Variants in PCDHGA3 observed in about 807,000 individuals in gnomAD.
The protein encoded by PCDHGA3 is protocadherin gamma subfamily A, 3, also known as protocadherin gamma-A3.
Under a neutral mutation model 58.5 loss-of-function variants are expected in PCDHGA3, and 40 were observed. The observed-to-expected ratio is 0.68, with a 90% CI of 0.53 to 0.89. The LOEUF (loss-of-function observed/expected upper bound fraction) is 0.89, where lower values mean the gene tolerates loss of function less well. Ranked by LOEUF, PCDHGA3 falls within the 40% of genes least tolerant of loss-of-function variation. The probability of loss-of-function intolerance (pLI) is 0.00; values close to 1 mark genes in which losing one functional copy is unlikely to be tolerated. For synonymous variants in PCDHGA3, 530 were observed against 525.7 expected (o/e 1.01, Z -0.11); for missense variants, 1,223 against 1,195.9 (o/e 1.02, Z -0.33).
At position 141,505,495 on chromosome 5, in the gene PCDHGA3, G is replaced by A. The variant is rs767547572; in HGVS notation, c.2572+14G>A. On this transcript the variant is annotated intron_variant, in intron 3 of 3. Transcript: ENST00000253812. ...CGTCCGCCAGTGGTAAGTGGTGTCA[G>A]TGTGTGTATGGAAGAGTGGGAGACC... The A allele has an allele frequency of 7.9e-5, 128 of 1,614,092 alleles. No homozygotes were observed. Among genetic ancestry groups the A allele is most frequent in the Non-Finnish European group, 1.0e-4 (123 of 1,180,008 alleles).
chr5:141,470,035 G>A lies in PCDHGA3; in HGVS notation c.2425-24772G>A, dbSNP rs761812438. ...TCCCAGCTACTCGGGATGCTGAGGC[G>A]CGAGAACTGTTTGAACCCCGGAGGC... On this transcript the variant is annotated intron_variant, in intron 1 of 3. Transcript: ENST00000253812. Among the ~76,000 whole-genome samples, 97 of 152,224 alleles carry A rather than the reference G, an allele frequency of 6.4e-4. 2 individuals carry two copies. Among genetic ancestry groups the A allele is most frequent in the East Asian group, 1.2e-3 (6 of 5,170 alleles).
At chr5:141,390,362 G>GA (rs1411664231) in intron 1 of PCDHGA3, 10 of 1,532,890 alleles carry the variant, frequency 6.5e-6, no homozygotes, top group Middle Eastern at 3.5e-4. Context: ...ATATTTGCAG[G>GA]AAAATATATA....
At chr5:141,356,354 CT>C (rs1760202379) in intron 1 of PCDHGA3, 1 of 1,556,448 alleles carries the variant, frequency 6.4e-7, no homozygotes, top group Admixed American at 1.9e-5. Context: ...GTCACATGTT[CT>C]ATTCCAGATA....
chr5:141,471,206 T>C (rs113465424), intron 1 of PCDHGA3: 16,891 of 151,686 alleles, frequency 0.11, 970 homozygotes, highest in South Asian at 0.15. Context: ...CCCACCCCCA[T>C]GCCTGGCAAT....
At chr5:141,453,481 TA>T (rs1178324090) in intron 1 of PCDHGA3, among the ~76,000 whole-genome samples, 1 of 151,928 alleles carries the variant, frequency 6.6e-6, no homozygotes, top group Non-Finnish European at 1.5e-5. Context: ...TCAAAACTAT[TA>T]AAAAAAGGTG....
chr5:141,357,353 G>C (rs772395094), intron 1 of PCDHGA3: 11 of 1,614,124 alleles, frequency 6.8e-6, no homozygotes, highest in Non-Finnish European at 9.3e-6. Context: ...AAGCTGAGAC[G>C]CTGGCACAAG....
chr5:141,372,511 C>T, intron 1 of PCDHGA3: 3 of 1,614,022 alleles, frequency 1.9e-6, no homozygotes, highest in Non-Finnish European at 2.5e-6. Context: ...TTCCTCCTCG[C>T]GGTGATTCTG....
At chr5:141,403,121 C>T (rs2094357954) in intron 1 of PCDHGA3, 1 of 1,614,046 alleles carries the variant, frequency 6.2e-7, no homozygotes, top group Non-Finnish European at 8.5e-7. Context: ...TCTGGAGCCC[C>T]GGGAGCTGGC....
chr5:141,347,980 G>A (rs1251130794), intron 1 of PCDHGA3, among the ~76,000 whole-genome samples: 1 of 152,184 alleles, frequency 6.6e-6, no homozygotes, highest in Admixed American at 6.5e-5. Context: ...TCAAAAACAT[G>A]TAAAGGAATA....
At chr5:141,410,705 A>G (rs1462423983) in intron 1 of PCDHGA3, 1 of 1,460,780 alleles carries the variant, frequency 6.8e-7, no homozygotes, top group Non-Finnish European at 9.1e-7. Context: ...TTTCATATCT[A>G]GAATCATATG....
intron 1 of PCDHGA3, among the ~76,000 whole-genome samples, chr5:141,460,344 A>G (rs930557610): frequency 7.2e-5 from 11 of 152,060 alleles, no homozygotes; most frequent in African/African-American, 2.2e-4. Context: ...ATTTTCTCCT[A>G]TATTTTCTTT....
rs1031996605 is a variant in PCDHGA3, at chr5:141,487,055, G to C, written c.2425-7752G>C. ...TGCAGTCTCTCGATATGCTGGGGAG[G>C]TGCGGACGGCTGTTCCTATCCCAGC... is the stretch of plus-strand genomic sequence containing the variant. On this transcript the variant is annotated intron_variant, in intron 1 of 3. Transcript: ENST00000253812. The surrounding 1 kb of genome is among the most constrained non-coding windows in gnomAD (Gnocchi z 5.0). The C allele has an allele frequency of 6.2e-7, 1 of 1,614,186 alleles. No individual in the cohort carries two copies. The highest frequency in any genetic ancestry group is 8.5e-7 in the Non-Finnish European group (1 of 1,180,038).
rs2093886414 is a variant in PCDHGA3 at position 141,399,784 on chromosome 5, G to C, written c.2424+53327G>C. On this transcript the variant is annotated intron_variant, in intron 1 of 3. Transcript: ENST00000253812. ...GCGCGTGTTGGTGGGCGACCGAAAC[G>C]ACAACGCACCGCGGGTGCTGTACCC... The C allele has an allele frequency of 2.5e-6, 4 of 1,613,288 alleles. No homozygotes were observed. The East Asian group carries it at 6.7e-5, about 27-fold the overall frequency.
chr5:141,427,260 AC>A (rs1388196814), intron 1 of PCDHGA3: 1 of 456,770 alleles, frequency 2.2e-6, no homozygotes, highest in Admixed American at 2.3e-5. Flanking sequence ...TGGAGGCATG[AC>A]CAGCGAATGT....
intron 1 of PCDHGA3, chr5:141,370,676 G>A (rs772923764): frequency 1.9e-6 from 3 of 1,613,892 alleles, no homozygotes; most frequent in Non-Finnish European, 2.5e-6. Context: ...ACCGAGAGGA[G>A]ATTTGTGGCA....
At chr5:141,347,301 G>A (rs531042035) in intron 1 of PCDHGA3, among the ~76,000 whole-genome samples, 1 of 151,914 alleles carries the variant, frequency 6.6e-6, no homozygotes, top group East Asian at 1.9e-4. Flanking sequence ...CTACAGGCAC[G>A]AGCCACCCTC....
chr5:141,366,867 A>G (rs1025500937), intron 1 of PCDHGA3: 18 of 1,412,872 alleles, frequency 1.3e-5, no homozygotes, highest in African/African-American at 2.9e-5. Context: ...TATTTGCTGT[A>G]TTGGAGATTA....
At chr5:141,471,444 A>G (rs1366430114) in intron 1 of PCDHGA3, 1 of 152,150 alleles carries the variant, frequency 6.6e-6, no homozygotes, top group Non-Finnish European at 1.5e-5. Context: ...AATCTCATGT[A>G]CCTTTTGAAA....
chr5:141,467,055 CTTT>C (rs1193465269), intron 1 of PCDHGA3, among the ~76,000 whole-genome samples: 5 of 134,460 alleles, frequency 3.7e-5, no homozygotes, highest in Admixed American at 7.5e-5. Context: ...TCAATGTTTT[CTTT>C]TTTTTTTTTT....
Sources: allele counts gnomAD v4.1 joint callset (sites outside exome capture counted in the v4.1 genomes callset), GRCh38; gene constraint gnomAD v4.1.1; non-coding constraint Gnocchi (gnomAD v3.1); transcripts MANE v1.5; gene names NCBI Gene and HGNC (gene_info 2026-07-23, HGNC 2026-07-21).